Variants in ATXN2 observed in about 807,000 individuals in gnomAD.
ATXN2 encodes ataxin 2.
Under a neutral mutation model 138.6 loss-of-function variants are expected in ATXN2, and 37 were observed. That is an observed-to-expected ratio of 0.27 (90% CI 0.21 to 0.35). The LOEUF is 0.35. Ranked by LOEUF, ATXN2 falls within the 10% of genes least tolerant of loss-of-function variation. The pLI is 1.00. For synonymous variants in ATXN2, 549 were observed against 543.7 expected (o/e 1.01, Z -0.13); for missense variants, 1,216 against 1,480.3 (o/e 0.82, Z 2.93).
intron 14 of ATXN2, among the ~76,000 whole-genome samples, chr12:111,490,437 C>T (rs1330117962): frequency 6.6e-6 from 1 of 151,958 alleles, no homozygotes; most frequent in Non-Finnish European, 1.5e-5. Flanking sequence ...TGGGCCTAGT[C>T]AGCTTGGAAG....
chr12:111,479,024 A>G (rs1877024732), intron 18 of ATXN2: 2 of 338,846 alleles, frequency 5.9e-6, no homozygotes, highest in Non-Finnish European at 1.1e-5. Flanking sequence ...AAATAAATAA[A>G]TAAAAAATAA....
chr12:111,502,328 G>A (rs1265461866), intron 14 of ATXN2, among the ~76,000 whole-genome samples: 1 of 152,074 alleles, frequency 6.6e-6, no homozygotes, highest in Non-Finnish European at 1.5e-5. Flanking sequence ...CTGCTGTATT[G>A]GAATATATTG....
intron 1 of ATXN2, among the ~76,000 whole-genome samples, chr12:111,596,202 C>G (rs1592942135): frequency 1.1e-5 from 1 of 91,240 alleles, no homozygotes; most frequent in African/African-American, 4.4e-5. Flanking sequence ...AGATTCCATC[C>G]AAAACACACA....
chr12:111,548,846 C>T (rs1301455763), intron 5 of ATXN2, among the ~76,000 whole-genome samples: 2 of 152,148 alleles, frequency 1.3e-5, no homozygotes, highest in African/African-American at 4.8e-5. Context: ...AGCCTCTCCC[C>T]AAGTAGCTGG....
In ATXN2 at chr12:111,575,309, G is replaced by A. The variant is rs112203997; in HGVS notation, c.252-19390C>T. Among the ~76,000 whole-genome samples, 47 of 152,130 alleles carry A rather than the reference G, an allele frequency of 3.1e-4. 3 individuals are homozygous for A. Among genetic ancestry groups the A allele is most frequent in the African/African-American group, 9.6e-4 (40 of 41,506 alleles). On this transcript the variant is annotated intron_variant, in intron 1 of 24. Coordinates refer to ENST00000673436, the MANE Select transcript of ATXN2 (RefSeq NM_001372574.1). ...CAAGCAATCCTCTCGCTTCAGCCTCGTAGTAGCTGCGACTACAGGTGTGTG... is the reference window on the plus strand; with the variant it reads ...CAAGCAATCCTCTCGCTTCAGCCTCATAGTAGCTGCGACTACAGGTGTGTG...
intron 18 of ATXN2, among the ~76,000 whole-genome samples, chr12:111,475,497 T>TC (rs1351984573): frequency 6.7e-6 from 1 of 149,172 alleles, no homozygotes; most frequent in Admixed American, 6.6e-5. Flanking sequence ...CTTTTTTTTT[T>TC]TTTTTTTTTT....
chr12:111,456,407 G>A (rs888370735), intron 22 of ATXN2, 151 bp from the exon 23 acceptor site: 6 of 759,618 alleles, frequency 7.9e-6, no homozygotes, highest in Non-Finnish European at 1.1e-5. Context: ...GAGCAAGGCT[G>A]GAGGTGCCTC....
In ATXN2 at chr12:111,598,070, G is replaced by C; in HGVS notation, c.251+714C>G. 8.7e-7 allele frequency: 1 copy of C among 1,149,016 alleles called. No homozygotes were observed. Among genetic ancestry groups the C allele is most frequent in the Non-Finnish European group, 1.1e-6 (1 of 918,630 alleles). The allele number at this position is 1,149,016 out of a possible 1,614,324, so 71.2% of individuals were successfully genotyped here. On this transcript the variant is annotated intron_variant, in intron 1 of 24. Coordinates refer to ENST00000673436, the MANE Select transcript of ATXN2 (RefSeq NM_001372574.1). The surrounding 1 kb of genome is among the most constrained non-coding windows in gnomAD (Gnocchi z 4.5). ...TCCCTTCCCCAGGTGGGGGAGGGTGGAACGCTGCCGGAGGCCACATGGAGC... is the reference window on the plus strand; with the variant it reads ...TCCCTTCCCCAGGTGGGGGAGGGTGCAACGCTGCCGGAGGCCACATGGAGC...
chr12:111,465,295 ATT>A (rs10686219), intron 20 of ATXN2, among the ~76,000 whole-genome samples: 35 of 145,828 alleles, frequency 2.4e-4, no homozygotes, highest in East Asian at 1.2e-3. Flanking sequence ...GATGCTTTTC[ATT>A]TTTTTTTTTT....
chr12:111,546,969 A>T (rs1881828483), intron 5 of ATXN2, among the ~76,000 whole-genome samples: 1 of 152,262 alleles, frequency 6.6e-6, no homozygotes, highest in Non-Finnish European at 1.5e-5. Flanking sequence ...CATGTATAAC[A>T]TTCAAGAGAC....
chr12:111,505,726 C>A (rs926758144), intron 14 of ATXN2, among the ~76,000 whole-genome samples: 2 of 152,202 alleles, frequency 1.3e-5, no homozygotes, highest in African/African-American at 4.8e-5. Context: ...AACAGAAACC[C>A]TCATACCCTG....
At chr12:111,454,930 C>T (rs1024099211) in intron 23 of ATXN2, 5 of 658,538 alleles carry the variant, frequency 7.6e-6, no homozygotes, top group African/African-American at 1.8e-5. Context: ...CGGACCAAAC[C>T]GGCTTCCCTC....
intron 1 of ATXN2, among the ~76,000 whole-genome samples, chr12:111,592,814 T>G (rs1884743082): frequency 1.4e-5 from 1 of 70,940 alleles, no homozygotes; most frequent in Non-Finnish European, 3.3e-5. Context: ...AGATAATAGG[T>G]GTGACTGTTA....
At chr12:111,503,109 T>C (rs375750061) in intron 14 of ATXN2, among the ~76,000 whole-genome samples, 1 of 152,222 alleles carries the variant, frequency 6.6e-6, no homozygotes. Context: ...GCACTCTGCA[T>C]ATGGCTCAAA....
In ATXN2 at chr12:111,598,314, C is replaced by T; in HGVS notation, c.251+470G>A. 1 of 998,734 alleles carries T rather than the reference C, an allele frequency of 1.0e-6. No homozygotes were observed. Among genetic ancestry groups the T allele is most frequent in the South Asian group, 4.3e-5 (1 of 23,066 alleles). The allele number at this position is 998,734 out of a possible 1,614,324, so 61.9% of individuals were successfully genotyped here. ...GGGGGACGCGGCCCTAACTTCTCCCCTCCAGAGATGTCCCCCATGGAGGGG... is the reference window on the plus strand; with the variant it reads ...GGGGGACGCGGCCCTAACTTCTCCCTTCCAGAGATGTCCCCCATGGAGGGG... On this transcript the variant is annotated intron_variant, in intron 1 of 24. Transcript: ENST00000673436. This position sits in a 1 kb window ranked among gnomAD's most constrained non-coding sequence, Gnocchi z 4.5.
At chr12:111,584,374 T>A (rs192305684) in intron 1 of ATXN2, among the ~76,000 whole-genome samples, 453 of 20,174 alleles carry the variant, frequency 0.022, 6 homozygotes, top group African/African-American at 0.047. Context: ...AGAGACCCTG[T>A]CTCAAAAAAA....
At chr12:111,493,182 G>A (rs544568468) in intron 14 of ATXN2, among the ~76,000 whole-genome samples, 1 of 152,094 alleles carries the variant, frequency 6.6e-6, no homozygotes, top group African/African-American at 2.4e-5. Flanking sequence ...ACTTTAGGAT[G>A]CCAAGGCGGG....
At chr12:111,548,149 C>T (rs567472438) in intron 5 of ATXN2, among the ~76,000 whole-genome samples, 3 of 151,818 alleles carry the variant, frequency 2.0e-5, no homozygotes, top group Admixed American at 2.0e-4. Flanking sequence ...GCCAAGATCA[C>T]GCCACTGTAC....
chr12:111,453,607 C>A lies in ATXN2; in HGVS notation c.3439+70G>T. 2 of 1,469,452 alleles carry A rather than the reference C, an allele frequency of 1.4e-6. No individual in the cohort carries two copies. The highest frequency in any genetic ancestry group is 1.8e-6 in the Non-Finnish European group (2 of 1,106,766). The allele number at this position is 1,469,452 out of a possible 1,614,324, so 91.0% of individuals were successfully genotyped here. On this transcript the variant is annotated intron_variant, in intron 24 of 24. Coordinates refer to ENST00000673436, the MANE Select transcript of ATXN2 (RefSeq NM_001372574.1). This position sits in a 1 kb window ranked among gnomAD's most constrained non-coding sequence, Gnocchi z 5.4. ...TGCGGGGCTTGAAGCACTGGCCCTG[C>A]CTGCCATTCCACCTGTGCGAGCAGA...
Sources: gnomAD v4.1 joint callset for allele counts (sites outside exome capture counted in the v4.1 genomes callset) on GRCh38, gnomAD v4.1.1 for gene constraint, Gnocchi (gnomAD v3.1) non-coding constraint, MANE v1.5 for transcripts, NCBI Gene and HGNC (gene_info 2026-07-23, HGNC 2026-07-21) for gene names.